The following SPIDR variants were observed in gnomAD, a reference collection of about 807,000 sequenced individuals.
SPIDR encodes DNA repair-scaffolding protein.
In SPIDR, 93 loss-of-function variants were observed where a neutral mutation model predicts 104.6. The observed-to-expected ratio is 0.89, with a 90% CI of 0.75 to 1.06. SPIDR has a LOEUF of 1.06. Among genes scored for constraint, SPIDR ranks in the 50% least tolerant of loss-of-function variants. The pLI is 0.00. For synonymous variants in SPIDR, 431 were observed against 416.9 expected (o/e 1.03, Z -0.41); for missense variants, 1,154 against 1,111.2 (o/e 1.04, Z -0.55).
chr8:47,279,628 G>A (rs1330935017), intron 1 of SPIDR, among the ~76,000 whole-genome samples: 1 of 152,062 alleles, frequency 6.6e-6, no homozygotes, highest in African/African-American at 2.4e-5. Flanking sequence ...TTGGAGGGTT[G>A]GTGGTTTGTC....
chr8:47,331,965 C>CTTTTTTTTTTTTTTTTTTTTTTTTCT (rs1183447584), intron 5 of SPIDR, among the ~76,000 whole-genome samples: 2 of 32,702 alleles, frequency 6.1e-5, no homozygotes, highest in East Asian at 1.3e-3. Flanking sequence ...TTTTTTTAAA[C>CTTTTTTTTTTTTTTTTTTTTTTTTCT]TTTTTTTTTT....
intron 5 of SPIDR, among the ~76,000 whole-genome samples, chr8:47,368,384 A>AAAAAG (rs1563760498): frequency 1.6e-5 from 2 of 124,064 alleles, no homozygotes; most frequent in African/African-American, 6.3e-5. Flanking sequence ...AAAAAAAAAA[A>AAAAAG]GGATTTTGCT....
intron 11 of SPIDR, among the ~76,000 whole-genome samples, chr8:47,684,753 C>T (rs1040836206): frequency 1.3e-5 from 2 of 152,138 alleles, no homozygotes; most frequent in Non-Finnish European, 2.9e-5. Context: ...GGAAAGAAAT[C>T]AGAAGTAATT....
chr8:47,493,052 T>A (rs1234924181), intron 8 of SPIDR, among the ~76,000 whole-genome samples: 2 of 150,840 alleles, frequency 1.3e-5, no homozygotes, highest in African/African-American at 2.5e-5. Context: ...AGTGTGTGTG[T>A]GTGTGTGTGT....
At chr8:47,403,229 C>G (rs1044344216) in intron 6 of SPIDR, among the ~76,000 whole-genome samples, 1 of 152,160 alleles carries the variant, frequency 6.6e-6, no homozygotes, top group Admixed American at 6.5e-5. Flanking sequence ...GTATTTATGA[C>G]AAACCCACAG....
chr8:47,455,445 A>G (rs2072771734), intron 8 of SPIDR, among the ~76,000 whole-genome samples: 1 of 152,150 alleles, frequency 6.6e-6, no homozygotes, highest in Admixed American at 6.5e-5. Context: ...AATATCTAGT[A>G]ATGAAGTAAT....
At chr8:47,518,584 T>G (rs974993303) in intron 8 of SPIDR, among the ~76,000 whole-genome samples, 7 of 151,812 alleles carry the variant, frequency 4.6e-5, no homozygotes, top group Non-Finnish European at 1.0e-4. Flanking sequence ...TGACAGCCAC[T>G]CGCTAGAACT....
chr8:47,312,408 C>T (rs1475067690), intron 5 of SPIDR, among the ~76,000 whole-genome samples: 3 of 152,164 alleles, frequency 2.0e-5, no homozygotes, highest in Non-Finnish European at 2.9e-5. Context: ...TAATGATCAC[C>T]ATTCTAACTG....
intron 5 of SPIDR, among the ~76,000 whole-genome samples, chr8:47,355,721 TG>T (rs1187517356): frequency 3.3e-5 from 5 of 152,366 alleles, no homozygotes; most frequent in East Asian, 1.9e-4. Flanking sequence ...GGAAGTTACA[TG>T]TTTTCCCATT....
chr8:47,588,032 T>C (rs12548736), intron 8 of SPIDR, among the ~76,000 whole-genome samples: 7 of 34,606 alleles, frequency 2.0e-4, no homozygotes, highest in African/African-American at 2.4e-4. Context: ...TTAGCATATA[T>C]ATATATATAT....
At chr8:47,408,485 T>C (rs9657080) in intron 7 of SPIDR, among the ~76,000 whole-genome samples, 4,387 of 152,264 alleles carry the variant, frequency 0.029, 221 homozygotes, top group African/African-American at 0.098. Context: ...GATTCTGTAC[T>C]GCAGATCTCT....
chr8:47,428,547 A>G (rs1394683184), intron 7 of SPIDR, among the ~76,000 whole-genome samples: 2 of 152,246 alleles, frequency 1.3e-5, no homozygotes, highest in African/African-American at 4.8e-5. Flanking sequence ...ATTCTTGGCA[A>G]TATTTTTTGC....
chr8:47,308,181 C>T (rs1361727826), intron 5 of SPIDR, among the ~76,000 whole-genome samples: 1 of 151,880 alleles, frequency 6.6e-6, no homozygotes, highest in Admixed American at 6.6e-5. Flanking sequence ...CCTGCCTCAG[C>T]CTCCCAAGTA....
intron 5 of SPIDR, among the ~76,000 whole-genome samples, chr8:47,301,877 AT>A (rs1176103934): frequency 7.8e-6 from 1 of 128,264 alleles, no homozygotes; most frequent in African/African-American, 3.0e-5. Context: ...TGCCCTTAAC[AT>A]TTTTTCCTTC....
chr8:47,550,808 G>A (rs1032220914), intron 8 of SPIDR, among the ~76,000 whole-genome samples: 1 of 152,066 alleles, frequency 6.6e-6, no homozygotes, highest in Admixed American at 6.6e-5. Context: ...ACACTATATT[G>A]AATAGAAGTC....
At chr8:47,599,316 T>A in intron 10 of SPIDR, 120 bp downstream of exon 10, 1 of 1,363,390 alleles carries the variant, frequency 7.3e-7, no homozygotes. Context: ...ACGTGAGCTG[T>A]TTTTGTTTTT....
At chr8:47,310,351 A>AT (rs1261746758) in intron 5 of SPIDR, among the ~76,000 whole-genome samples, 96 of 151,880 alleles carry the variant, frequency 6.3e-4, no homozygotes, top group African/African-American at 2.2e-3. Context: ...AAAAAAAAAA[A>AT]AAGTCACTAT....
chr8:47,517,233 G>C (rs372401473), intron 8 of SPIDR, among the ~76,000 whole-genome samples: 1 of 152,088 alleles, frequency 6.6e-6, no homozygotes, highest in African/African-American at 2.4e-5. Context: ...TGATCAACCC[G>C]TCTCGACCTC....
At chr8:47,611,952 C>G (rs760367501) in intron 10 of SPIDR, among the ~76,000 whole-genome samples, 1 of 152,180 alleles carries the variant, frequency 6.6e-6, no homozygotes, top group Non-Finnish European at 1.5e-5. Context: ...CCTCAGGCCT[C>G]TGGTAGTTGT....
Sources: gnomAD v4.1 joint callset for allele counts (sites outside exome capture counted in the v4.1 genomes callset) on GRCh38, gnomAD v4.1.1 for gene constraint, MANE v1.5 for transcripts, NCBI Gene and HGNC (gene_info 2026-07-23, HGNC 2026-07-21) for gene names.